CABYR: variants seen among roughly 807,000 people sequenced by gnomAD.
CABYR encodes calcium-binding tyrosine phosphorylation-regulated protein.
CABYR carries 31 observed loss-of-function variants against 36.1 expected under a neutral mutation model. The ratio of observed to expected loss-of-function variants is 0.86; its 90% CI spans 0.64 to 1.16. CABYR has a LOEUF of 1.16. Among genes scored for constraint, CABYR ranks in the 50% most tolerant of loss-of-function variants. The probability of loss-of-function intolerance (pLI) is 0.00; values close to 1 mark genes in which losing one functional copy is unlikely to be tolerated. For synonymous variants in CABYR, 146 were observed against 160.7 expected, an observed-to-expected ratio of 0.91 and a Z score of 0.69; for missense variants, 429 against 455.8, an observed-to-expected ratio of 0.94 and a Z score of 0.53.
At chr18:24,147,354 T>C (rs964632097) in intron 3 of CABYR, among the ~76,000 whole-genome samples, 2 of 150,776 alleles carry the variant, frequency 1.3e-5, no homozygotes, top group African/African-American at 2.4e-5. Flanking sequence ...GATGATCCAA[T>C]TGACCCATTG....
chr18:24,139,649 ATTATTAAGCTGTCGCTT>A (rs970967584), intron 1 of CABYR: 2 of 152,284 alleles, frequency 1.3e-5, no homozygotes, highest in African/African-American at 4.8e-5. Flanking sequence ...TCTGGGAAGA[ATTATTAAGCTGTCGCTT>A]TTAAATAACC....
At chr18:24,143,038 A>AC in intron 1 of CABYR, 53 bp from the exon 2 acceptor site, 4 of 1,327,684 alleles carry the variant, frequency 3.0e-6, no homozygotes, top group African/African-American at 3.0e-5. Flanking sequence ...AAAAAAAAAA[A>AC]AAAACCTATT....
In CABYR at chr18:24,159,715, T is replaced by C; in HGVS notation, c.785T>C (p.Leu262Ser). ...TKKTSAPPFI[L>S]VGSNVQEAQG... is the part of the protein sequence containing the mutation. ...AAGACCAGTGCCCCACCTTTTATCT[T>C]AGTAGGCTCAAATGTTCAGGAAGCA... Residue 262 changes from leucine to serine, a missense_variant, in exon 5 of 6, where the codon TTA (leucine) becomes TCA (serine). Transcript: ENST00000399496. 1.2e-6 allele frequency: 2 copies of C among 1,613,980 alleles called. No individual in the cohort carries two copies. Among genetic ancestry groups the C allele is most frequent in the Non-Finnish European group, 1.7e-6 (2 of 1,179,986 alleles).
rs771107571 is a variant in CABYR at position 24,143,172 on chromosome 18, G to A, written c.58G>A (p.Gly20Arg). The A allele has an allele frequency of 6.2e-7, 1 of 1,613,766 alleles. No homozygotes were observed. The highest frequency in any genetic ancestry group is 8.5e-7 in the Non-Finnish European group (1 of 1,179,796). The change falls in exon 2 of 6, where the codon GGA becomes AGA. Residue 20 changes from glycine (G) to arginine (R), a missense_variant. Gly to Arg is a moderately radical substitution (Grantham distance 125). Transcript: ENST00000399496. ...CTATGGCCTCAAGACTCTGCTCGAGGGAATTAGCAGAGCTGTTCTCAAAAC... is the reference window on the plus strand; with the variant it reads ...CTATGGCCTCAAGACTCTGCTCGAGAGAATTAGCAGAGCTGTTCTCAAAAC... ...VPYGLKTLLE[G>R]ISRAVLKTNP...
chr18:24,160,122 A>G, intron 5 of CABYR, 53 bp downstream of exon 5: 1 of 1,241,038 alleles, frequency 8.1e-7, no homozygotes, highest in Non-Finnish European at 1.1e-6. Context: ...GCGCGTTTTA[A>G]GCATTTTGAT....
chr18:24,160,164 C>A, intron 5 of CABYR, 95 bp downstream of exon 5: 1 of 917,424 alleles, frequency 1.1e-6, no homozygotes, highest in Non-Finnish European at 1.7e-6. Context: ...TATTTAAAAA[C>A]AATTTGAGAT....
intron 4 of CABYR, chr18:24,156,522 C>A: frequency 6.2e-7 from 1 of 1,614,048 alleles, no homozygotes; most frequent in South Asian, 1.1e-5. Context: ...GCAGTCACCA[C>A]GAGTTAGTCC....
chr18:24,159,410 A>T, intron 4 of CABYR, 62 bp from the exon 5 acceptor site: 1 of 1,092,034 alleles, frequency 9.2e-7, no homozygotes, highest in Non-Finnish European at 1.4e-6. Context: ...CAAAGACATT[A>T]CTATGCATAG....
At chr18:24,148,109 C>T (rs2085503307) in intron 3 of CABYR, among the ~76,000 whole-genome samples, 1 of 152,130 alleles carries the variant, frequency 6.6e-6, no homozygotes, top group Non-Finnish European at 1.5e-5. Flanking sequence ...AACACTTTTG[C>T]AAGTTTTCCA....
chr18:24,159,504 C>T lies in CABYR; in HGVS notation c.574C>T (p.Pro192Ser). 6.2e-7 allele frequency: 1 copy of T among 1,613,970 alleles called. No individual in the cohort carries two copies. Among genetic ancestry groups the T allele is most frequent in the South Asian group, 1.1e-5 (1 of 91,034 alleles). ...MATSERGQPP[P>S]CSNMWTLYCL... ...AACAAGTGAACGAGGACAACCACCA[C>T]CATGTTCTAACATGTGGACCCTTTA... Residue 192 changes from proline (P) to serine (S), a missense_variant, in exon 5 of 6, where the codon CCA becomes TCA. By Grantham distance (74) the Pro-to-Ser change is moderately conservative. Transcript: ENST00000399496.
At chr18:24,144,803 A>G (rs1289515110) in intron 3 of CABYR, among the ~76,000 whole-genome samples, 2 of 152,370 alleles carry the variant, frequency 1.3e-5, no homozygotes, top group Middle Eastern at 3.4e-3. Flanking sequence ...AGACTTTTAA[A>G]CTAGAAGGGA....
chr18:24,151,895 G>C (rs1484535849), intron 3 of CABYR, among the ~76,000 whole-genome samples: 1 of 152,020 alleles, frequency 6.6e-6, no homozygotes, highest in East Asian at 1.9e-4. Flanking sequence ...TCACTATGTT[G>C]GCTGGGCTGG....
intron 3 of CABYR, among the ~76,000 whole-genome samples, chr18:24,149,250 C>T (rs553949804): frequency 3.4e-4 from 51 of 151,594 alleles, no homozygotes; most frequent in African/African-American, 1.2e-3. Flanking sequence ...TACAGAGTGC[C>T]GATTGGTGTA....
intron 4 of CABYR, among the ~76,000 whole-genome samples, chr18:24,157,510 G>A (rs1249488364): frequency 2.0e-5 from 3 of 152,172 alleles, no homozygotes; most frequent in African/African-American, 4.8e-5. Flanking sequence ...TGGGCCATGC[G>A]TTTGTGTTCT....
rs7233526 is a variant in CABYR, at chr18:24,155,632, T to C, written c.200-69T>C. The C allele has an allele frequency of 1.8e-3, 2,205 of 1,222,802 alleles. 38 individuals carry two copies. The African/African-American group carries it at 0.029, about 16-fold the overall frequency. 75.7% of individuals were successfully genotyped at this position (1,222,802 alleles called of 1,614,324 possible). A position where few individuals can be genotyped will look rare whatever the true frequency, so the allele number is the denominator to read the frequency against. On this transcript the variant is annotated intron_variant, in intron 3 of 5. Transcript: ENST00000399496. ...CCACTACATCCCTATTATTGCCTTC[T>C]TTAAAAATCTTTTCTTCTCTAAAAA... is the stretch of plus-strand genomic sequence containing the variant.
At chr18:24,150,334 T>C (rs1373472854) in intron 3 of CABYR, among the ~76,000 whole-genome samples, 1 of 152,218 alleles carries the variant, frequency 6.6e-6, no homozygotes, top group Non-Finnish European at 1.5e-5. Context: ...ATGCCCTCTT[T>C]TGCTTTCCAC....
chr18:24,144,693 CAG>C (rs2085417022), intron 3 of CABYR, among the ~76,000 whole-genome samples: 1 of 152,324 alleles, frequency 6.6e-6, no homozygotes, highest in East Asian at 1.9e-4. Context: ...ACATGTGGAT[CAG>C]AGACAGAGCT....
At chr18:24,156,186 A>G (rs1422744319) in intron 4 of CABYR, 144 bp downstream of exon 4, 3 of 1,614,148 alleles carry the variant, frequency 1.9e-6, no homozygotes, top group Non-Finnish European at 2.5e-6. Flanking sequence ...GTGTTCTGGA[A>G]AGGTGCTAGA....
intron 3 of CABYR, among the ~76,000 whole-genome samples, chr18:24,148,170 G>A (rs577342708): frequency 1.3e-3 from 201 of 152,274 alleles, no homozygotes; most frequent in African/African-American, 4.0e-3. Flanking sequence ...TACAATTTAT[G>A]GTAAGGGAGA....
Sources: gnomAD v4.1 joint callset for allele counts (sites outside exome capture counted in the v4.1 genomes callset) on GRCh38, gnomAD v4.1.1 for gene constraint, MANE v1.5 for transcripts, NCBI Gene and HGNC (gene_info 2026-07-23, HGNC 2026-07-21) for gene names.